Variants in HS6ST3 observed in about 807,000 individuals in gnomAD.
The protein encoded by HS6ST3 is heparan sulfate 6-O-sulfotransferase 3, also known as heparan-sulfate 6-O-sulfotransferase 3.
Under a neutral mutation model 36.7 loss-of-function variants are expected in HS6ST3, and 12 were observed. The observed-to-expected ratio is 0.33, with a 90% CI of 0.21 to 0.53. HS6ST3 has a LOEUF of 0.53. Ranked by LOEUF, HS6ST3 falls within the 20% of genes least tolerant of loss-of-function variation. The pLI, the probability that HS6ST3 is intolerant of heterozygous loss-of-function variation, is 0.95. For synonymous variants in HS6ST3, 240 were observed against 257.5 expected (o/e 0.93, Z 0.65); for missense variants, 584 against 640.9 (o/e 0.91, Z 0.96).
At chr13:96,229,044 G>A (rs1009054730) in intron 1 of HS6ST3, among the ~76,000 whole-genome samples, 1 of 152,144 alleles carries the variant, frequency 6.6e-6, no homozygotes, top group Non-Finnish European at 1.5e-5. Context: ...AGGGTTTCAA[G>A]TTATCATAAG....
chr13:96,714,279 T>C (rs895731967), intron 1 of HS6ST3, among the ~76,000 whole-genome samples: 36 of 152,186 alleles, frequency 2.4e-4, no homozygotes, highest in African/African-American at 8.7e-4. Context: ...ATTAGTATGA[T>C]ACGGATAACT....
intron 1 of HS6ST3, among the ~76,000 whole-genome samples, chr13:96,180,334 CT>C (rs148659210): frequency 0.03 from 4,497 of 152,256 alleles, 113 homozygotes; most frequent in Non-Finnish European, 0.046. Context: ...CCAGTTTTTC[CT>C]ACCAGGAAGA....
chr13:96,234,760 G>A (rs940762340), intron 1 of HS6ST3, among the ~76,000 whole-genome samples: 6 of 152,102 alleles, frequency 3.9e-5, no homozygotes, highest in Non-Finnish European at 5.9e-5. Flanking sequence ...TGAGTTTTGG[G>A]TGGGGACACA....
At chr13:96,234,839 A>G (rs2054526781) in intron 1 of HS6ST3, among the ~76,000 whole-genome samples, 1 of 152,220 alleles carries the variant, frequency 6.6e-6, no homozygotes, top group Admixed American at 6.5e-5. Context: ...TGCTGCTTAT[A>G]CAAACTTCCT....
intron 1 of HS6ST3, among the ~76,000 whole-genome samples, chr13:96,659,403 A>G (rs2056638593): frequency 6.6e-6 from 1 of 152,134 alleles, no homozygotes. Flanking sequence ...GAGATAGCCC[A>G]TATATAAGCT....
intron 1 of HS6ST3, among the ~76,000 whole-genome samples, chr13:96,460,057 C>A (rs1293137796): frequency 1.3e-5 from 2 of 152,136 alleles, no homozygotes; most frequent in Non-Finnish European, 2.9e-5. Flanking sequence ...TCATTAAAGG[C>A]AGGCATTTTA....
At chr13:96,152,331 TTTTTG>T (rs2054089280) in intron 1 of HS6ST3, among the ~76,000 whole-genome samples, 1 of 95,202 alleles carries the variant, frequency 1.1e-5, no homozygotes, top group Non-Finnish European at 2.2e-5. Flanking sequence ...TTTTTTTTTT[TTTTTG>T]TTGTTGTTGT....
intron 1 of HS6ST3, among the ~76,000 whole-genome samples, chr13:96,677,806 T>A (rs928850517): frequency 1.3e-5 from 2 of 152,196 alleles, no homozygotes; most frequent in Non-Finnish European, 2.9e-5. Context: ...CTCAAATAAA[T>A]CTTATTTAAG....
chr13:96,095,863 GGTGTGTGTGTGTGTGT>G (rs141939376), intron 1 of HS6ST3, among the ~76,000 whole-genome samples: 4 of 140,316 alleles, frequency 2.9e-5, no homozygotes, highest in Non-Finnish European at 6.1e-5. Flanking sequence ...TTATATGACT[GGTGTGTGTGTGTGTGT>G]GTGTGTGTGT....
intron 1 of HS6ST3, among the ~76,000 whole-genome samples, chr13:96,812,321 C>T (rs1014163058): frequency 1.3e-5 from 2 of 152,158 alleles, no homozygotes; most frequent in East Asian, 1.9e-4. Flanking sequence ...TATGCCTTTG[C>T]CTTTCTCTTT....
chr13:96,360,036 G>A (rs1378107099), intron 1 of HS6ST3, among the ~76,000 whole-genome samples: 2 of 152,158 alleles, frequency 1.3e-5, no homozygotes, highest in African/African-American at 4.8e-5. Context: ...CACATAGAAA[G>A]TGAGGGCACA....
intron 1 of HS6ST3, among the ~76,000 whole-genome samples, chr13:96,383,741 G>T (rs1235232174): frequency 2.0e-5 from 3 of 152,184 alleles, no homozygotes; most frequent in Admixed American, 2.0e-4. Flanking sequence ...AGAGGAAGGG[G>T]TTAGTTTTCA....
At chr13:96,158,639 C>A (rs1275272522) in intron 1 of HS6ST3, among the ~76,000 whole-genome samples, 1 of 107,028 alleles carries the variant, frequency 9.3e-6, no homozygotes, top group South Asian at 3.3e-4. Context: ...GGAGACAGAG[C>A]GAGACTCCGT....
At chr13:96,694,892 A>G (rs1235743360) in intron 1 of HS6ST3, among the ~76,000 whole-genome samples, 1 of 152,160 alleles carries the variant, frequency 6.6e-6, no homozygotes, top group Non-Finnish European at 1.5e-5. Context: ...CAAACTTGAT[A>G]TATATGCATG....
In HS6ST3 at chr13:96,282,614, T is replaced by G. The variant is rs147404943; in HGVS notation, c.707+191045T>G. Among the ~76,000 whole-genome samples, 99 of 152,306 alleles carry G rather than the reference T, an allele frequency of 6.5e-4. 2 individuals carry two copies. The East Asian group carries it at 0.019, about 29-fold the overall frequency. On this transcript the variant is annotated intron_variant, in intron 1 of 1. Transcript: ENST00000376705. The stretch of plus-strand genomic sequence containing the variant: ...TATCTCATTAAAATATTTAGTTTAT[T>G]CTATTTCTAAATACAATATTTAGTT...
intron 1 of HS6ST3, among the ~76,000 whole-genome samples, chr13:96,344,069 C>T (rs1351676124): frequency 6.6e-6 from 1 of 151,996 alleles, no homozygotes; most frequent in Non-Finnish European, 1.5e-5. Flanking sequence ...TTACTTGTCT[C>T]TTTATCTTAT....
intron 1 of HS6ST3, among the ~76,000 whole-genome samples, chr13:96,241,931 G>A (rs1427580404): frequency 3.3e-5 from 5 of 151,700 alleles, no homozygotes; most frequent in Middle Eastern, 3.4e-3. Context: ...GACCACAGGC[G>A]TCCACCACCA....
chr13:96,804,483 C>T (rs917118736), intron 1 of HS6ST3, among the ~76,000 whole-genome samples: 3 of 152,076 alleles, frequency 2.0e-5, no homozygotes, highest in Admixed American at 1.3e-4. Flanking sequence ...TTTTCTTACC[C>T]GACAGATTAA....
intron 1 of HS6ST3, among the ~76,000 whole-genome samples, chr13:96,333,639 T>C (rs922391028): frequency 6.6e-6 from 1 of 152,152 alleles, no homozygotes; most frequent in African/African-American, 2.4e-5. Flanking sequence ...GTTCGAGTTA[T>C]ATACAGGGTA....
Sources: allele counts gnomAD v4.1 joint callset (sites outside exome capture counted in the v4.1 genomes callset), GRCh38; gene constraint gnomAD v4.1.1; transcripts MANE v1.5; gene names NCBI Gene and HGNC (gene_info 2026-07-23, HGNC 2026-07-21).